Variants in CNTNAP2 observed in about 807,000 individuals in gnomAD.
The protein encoded by CNTNAP2 is contactin associated protein 2, also known as contactin-associated protein-like 2.
Under a neutral mutation model 155.2 loss-of-function variants are expected in CNTNAP2, and 98 were observed. The ratio of observed to expected loss-of-function variants is 0.63; its 90% CI spans 0.54 to 0.75. The LOEUF is 0.75. CNTNAP2 is among the 30% of genes least tolerant of loss of function. The pLI is 0.00. For synonymous variants in CNTNAP2, 651 were observed against 631.2 expected (o/e 1.03, Z -0.47); for missense variants, 1,727 against 1,688.1 (o/e 1.02, Z -0.40).
chr7:146,349,474 G>C (rs1467383491), intron 1 of CNTNAP2, among the ~76,000 whole-genome samples: 1 of 152,172 alleles, frequency 6.6e-6, no homozygotes, highest in African/African-American at 2.4e-5. Flanking sequence ...TTCATTTAAA[G>C]TTAATATTGT....
intron 1 of CNTNAP2, among the ~76,000 whole-genome samples, chr7:146,476,388 T>C (rs1796877452): frequency 6.6e-6 from 1 of 152,216 alleles, no homozygotes; most frequent in Non-Finnish European, 1.5e-5. Context: ...CTTTTGAAGA[T>C]ACTGCAGAAT....
intron 1 of CNTNAP2, among the ~76,000 whole-genome samples, chr7:146,575,808 G>A (rs1798515689): frequency 6.6e-6 from 1 of 152,214 alleles, no homozygotes; most frequent in Admixed American, 6.5e-5. Context: ...CCACATGGCA[G>A]TTAATTTTGG....
intron 1 of CNTNAP2, among the ~76,000 whole-genome samples, chr7:146,190,667 T>C (rs915522312): frequency 5.3e-5 from 8 of 152,092 alleles, no homozygotes; most frequent in African/African-American, 1.9e-4. Flanking sequence ...CTTTTATAAG[T>C]GATAATGGAA....
At chr7:146,670,114 T>C (rs1195492697) in intron 1 of CNTNAP2, among the ~76,000 whole-genome samples, 1 of 152,232 alleles carries the variant, frequency 6.6e-6, no homozygotes, top group African/African-American at 2.4e-5. Context: ...TTTGTTTCTT[T>C]TTAAGAAGCT....
intron 8 of CNTNAP2, among the ~76,000 whole-genome samples, chr7:147,247,788 AG>A (rs2116651776): frequency 6.6e-6 from 1 of 152,320 alleles, no homozygotes; most frequent in African/African-American, 2.4e-5. Context: ...ACATATGTAA[AG>A]TAACATAGCC....
At chr7:146,975,336 G>A (rs1000386202) in intron 3 of CNTNAP2, among the ~76,000 whole-genome samples, 44 of 152,162 alleles carry the variant, frequency 2.9e-4, no homozygotes, top group African/African-American at 9.4e-4. Flanking sequence ...ATGGTGGCAG[G>A]CACCTGTAGT....
intron 17 of CNTNAP2, among the ~76,000 whole-genome samples, chr7:148,150,102 CAAAAAAAAAAA>C (rs71188948): frequency 0.39 from 33,104 of 85,148 alleles, 4,274 homozygotes; most frequent in East Asian, 0.47. Flanking sequence ...GGGGTTGTTA[CAAAAAAAAAAA>C]AAAAAAAAAA....
chr7:147,152,663 A>G (rs748209545), intron 8 of CNTNAP2, among the ~76,000 whole-genome samples: 3 of 152,142 alleles, frequency 2.0e-5, no homozygotes, highest in Non-Finnish European at 4.4e-5. Context: ...TTAGCTTATC[A>G]TATGTGTTTA....
chr7:146,848,553 G>T (rs190937708), intron 3 of CNTNAP2, among the ~76,000 whole-genome samples: 2 of 152,202 alleles, frequency 1.3e-5, no homozygotes, highest in East Asian at 3.9e-4. Context: ...GGAACACTAG[G>T]AAAGTGGTCT....
chr7:148,104,481 G>A (rs1804168715), intron 15 of CNTNAP2, among the ~76,000 whole-genome samples: 1 of 152,102 alleles, frequency 6.6e-6, no homozygotes. Context: ...AAGGCTGCCT[G>A]GCATTACAGC....
At chr7:147,326,992 G>A (rs1257170000) in intron 9 of CNTNAP2, among the ~76,000 whole-genome samples, 1 of 152,172 alleles carries the variant, frequency 6.6e-6, no homozygotes, top group African/African-American at 2.4e-5. Context: ...TATGACAAAA[G>A]TAAATGAATA....
chr7:147,274,052 A>G (rs552445525), intron 8 of CNTNAP2, among the ~76,000 whole-genome samples: 45 of 151,472 alleles, frequency 3.0e-4, no homozygotes, highest in Non-Finnish European at 5.7e-4. Context: ...AGACACACAC[A>G]CAAACACAGA....
At chr7:146,303,839 G>A (rs1800658636) in intron 1 of CNTNAP2, among the ~76,000 whole-genome samples, 2 of 152,018 alleles carry the variant, frequency 1.3e-5, no homozygotes, top group South Asian at 2.1e-4. Flanking sequence ...TTTCTGTCTC[G>A]TTGATCTGTC....
chr7:147,733,926 G>A (rs1332295258), intron 13 of CNTNAP2, among the ~76,000 whole-genome samples: 1 of 152,156 alleles, frequency 6.6e-6, no homozygotes, highest in Non-Finnish European at 1.5e-5. Flanking sequence ...CTGAGACGAT[G>A]GGGTTTTCTA....
chr7:147,693,902 G>A (rs1796125522), intron 13 of CNTNAP2, among the ~76,000 whole-genome samples: 1 of 152,058 alleles, frequency 6.6e-6, no homozygotes. Context: ...GGTGAGAGGG[G>A]ACATCCTTAC....
chr7:147,998,679 A>C (rs997292944), intron 15 of CNTNAP2, among the ~76,000 whole-genome samples: 1 of 151,998 alleles, frequency 6.6e-6, no homozygotes, highest in African/African-American at 2.4e-5. Context: ...CCAAACGTAA[A>C]GAAGCAAAAG....
intron 15 of CNTNAP2, among the ~76,000 whole-genome samples, chr7:148,110,491 C>T (rs1322058446): frequency 6.6e-6 from 1 of 152,034 alleles, no homozygotes; most frequent in Admixed American, 6.6e-5. Context: ...AGGGCTCTTG[C>T]TGGACCCACA....
intron 10 of CNTNAP2, among the ~76,000 whole-genome samples, chr7:147,443,910 T>C (rs73475150): frequency 7.8e-4 from 119 of 152,322 alleles, no homozygotes; most frequent in African/African-American, 2.8e-3. Context: ...CTCCAAGACG[T>C]AGAAATTTGC....
At chr7:146,975,054 C>T (rs1797882114) in intron 3 of CNTNAP2, among the ~76,000 whole-genome samples, 2 of 152,080 alleles carry the variant, frequency 1.3e-5, no homozygotes, top group South Asian at 2.1e-4. Flanking sequence ...TTAATATTTT[C>T]GCAAATAGTT....
Sources: allele counts gnomAD v4.1 joint callset (sites outside exome capture counted in the v4.1 genomes callset), GRCh38; gene constraint gnomAD v4.1.1; transcripts MANE v1.5; gene names NCBI Gene and HGNC (gene_info 2026-07-23, HGNC 2026-07-21).